COL4A5: variants seen among roughly 807,000 people sequenced by gnomAD.
COL4A5 encodes collagen alpha-5(IV) chain.
Under a neutral mutation model 130.2 loss-of-function variants are expected in COL4A5, and 26 were observed. The ratio of observed to expected loss-of-function variants is 0.20; its 90% confidence interval spans 0.15 to 0.28. The LOEUF (loss-of-function observed/expected upper bound fraction) is 0.28, where lower values mean the gene tolerates loss of function less well. Among genes scored for constraint, COL4A5 ranks in the 10% least tolerant of loss-of-function variants. The probability of loss-of-function intolerance (pLI) is 1.00; values close to 1 mark genes in which losing one functional copy is unlikely to be tolerated. For synonymous variants in COL4A5, 496 were observed against 439.6 expected (o/e 1.13, Z -1.60); for missense variants, 1,131 against 1,344.3 (o/e 0.84, Z 2.48).
At chrX:108,530,029 A>G (rs935986713) in intron 1 of COL4A5, among the ~76,000 whole-genome samples, 4 of 111,488 alleles carry the variant, frequency 3.6e-5, no homozygotes, top group African/African-American at 9.8e-5. Flanking sequence ...AACATTGGGT[A>G]TAAATAGGGC....
At chrX:108,447,335 A>G (rs1412249239) in intron 1 of COL4A5, among the ~76,000 whole-genome samples, 1 of 111,793 alleles carries the variant, frequency 8.9e-6, no homozygotes, top group Non-Finnish European at 1.9e-5. Context: ...TAAACTGGTT[A>G]GTACATACGG....
chrX:108,616,225 T>C (rs1004483082), intron 30 of COL4A5, among the ~76,000 whole-genome samples: 1 of 108,462 alleles, frequency 9.2e-6, no homozygotes, highest in African/African-American at 3.4e-5. Flanking sequence ...GTTTTTTTTT[T>C]GTTGTTGTTG....
At chrX:108,633,300 G>A (rs2147888407) in intron 36 of COL4A5, among the ~76,000 whole-genome samples, 1 of 111,160 alleles carries the variant, frequency 9.0e-6, no homozygotes, top group Non-Finnish European at 1.9e-5. Context: ...TATATCCTGA[G>A]ATTATAAAAA....
At chrX:108,649,959 A>G (rs1236483495) in intron 36 of COL4A5, among the ~76,000 whole-genome samples, 1 of 111,714 alleles carries the variant, frequency 9.0e-6, no homozygotes, top group African/African-American at 3.3e-5. Flanking sequence ...CAGTCAGCAG[A>G]GTAAACAGAC....
intron 9 of COL4A5, among the ~76,000 whole-genome samples, chrX:108,575,213 A>G (rs1284133053): frequency 8.9e-6 from 1 of 111,732 alleles, no homozygotes; most frequent in Non-Finnish European, 1.9e-5. Context: ...TCATTCTCTT[A>G]TAATTTATCC....
chrX:108,624,426 G>GATTT lies in COL4A5; in HGVS notation c.3016+93_3016+96dup, dbSNP rs1414147585. ...GTTTGTCATGTTTGAAGATGCTGTGGATTTGATCATGGTAATAAGCTTGGG... is the reference window on the plus strand; with the variant it reads ...GTTTGTCATGTTTGAAGATGCTGTGGATTTATTTGATCATGGTAATAAGCTTGGG... On this transcript the variant is annotated intron_variant, in intron 34 of 52. Transcript: ENST00000328300. The GATTT allele has an allele frequency of 3.9e-6, 3 of 770,585 alleles. No individual in the cohort carries two copies. The African/African-American group carries it at 6.2e-5, about 16-fold the overall frequency. The allele number at this position is 770,585 out of a possible 1,213,427, so 63.5% of individuals were successfully genotyped here. A position where few individuals can be genotyped will look rare whatever the true frequency, so the allele number is the denominator to read the frequency against.
rs746184634 is a variant in COL4A5 at position 108,687,580 on chromosome X, C to T, written c.4414C>T (p.Arg1472Cys). The T allele has an allele frequency of 1.2e-5, 15 of 1,209,408 alleles. No homozygotes were observed. The highest frequency in any genetic ancestry group is 1.5e-5 in the Non-Finnish European group (13 of 894,875). ...TGTTGCACATGGATTTCTTATTACA[C>T]GCCACAGCCAGACAACGGATGCACC... ...SSVAHGFLITRHSQTTDAPQC... is the reference protein window; with the variant it reads ...SSVAHGFLITCHSQTTDAPQC... Residue 1472 changes from arginine to cysteine, a missense_variant, in exon 49 of 53, where the codon CGC becomes TGC. Physicochemically the swap from Arg to Cys is radical, Grantham distance 180. Coordinates refer to ENST00000328300, the MANE Select transcript of COL4A5 (RefSeq NM_033380.3).
At position 108,555,008 on chromosome X, in the gene COL4A5, T is replaced by G. The variant is rs766798231; in HGVS notation, c.142-4056T>G. Among the ~76,000 whole-genome samples, 4 of 112,758 alleles carry G rather than the reference T, an allele frequency of 3.5e-5. No individual in the cohort carries two copies. In the South Asian group the frequency reaches 1.5e-3, roughly 41 times the overall value. On this transcript the variant is annotated intron_variant, in intron 2 of 52. Coordinates refer to ENST00000328300, the MANE Select transcript of COL4A5 (RefSeq NM_033380.3). The stretch of plus-strand genomic sequence containing the variant: ...TTAACATAGAAATAAAACATCTAGA[T>G]TTCCCTAAAAGAAATGTGTCCAAGT...
intron 1 of COL4A5, among the ~76,000 whole-genome samples, chrX:108,525,731 T>C (rs1015228793): frequency 8.9e-6 from 1 of 111,911 alleles, no homozygotes; most frequent in Admixed American, 9.5e-5. Context: ...ATTTATAGAG[T>C]TCTCTATTCT....
At chrX:108,577,672 A>G (rs1437932449) in intron 10 of COL4A5, among the ~76,000 whole-genome samples, 2 of 111,021 alleles carry the variant, frequency 1.8e-5, no homozygotes, top group Non-Finnish European at 3.8e-5. Flanking sequence ...GTCTGTTGAG[A>G]TTAACTTTTG....
At chrX:108,610,249 C>G (rs951937709) in intron 29 of COL4A5, among the ~76,000 whole-genome samples, 2 of 110,732 alleles carry the variant, frequency 1.8e-5, no homozygotes, top group African/African-American at 6.6e-5. Context: ...CCCGACTTCC[C>G]TCGTCAATGT....
intron 4 of COL4A5, among the ~76,000 whole-genome samples, chrX:108,564,579 CTG>C (rs1474738618): frequency 9.0e-6 from 1 of 111,495 alleles, no homozygotes; most frequent in Non-Finnish European, 1.9e-5. Flanking sequence ...TGAGAGGAAA[CTG>C]TAGTTTAAAA....
intron 47 of COL4A5, among the ~76,000 whole-genome samples, chrX:108,684,507 A>C (rs1184133097): frequency 8.9e-6 from 1 of 112,446 alleles, no homozygotes; most frequent in Non-Finnish European, 1.9e-5. Flanking sequence ...ATCTAGAAGA[A>C]ATGGATAAAT....
chrX:108,638,361 C>T (rs747199254), intron 36 of COL4A5, among the ~76,000 whole-genome samples: 1 of 110,558 alleles, frequency 9.0e-6, no homozygotes, highest in East Asian at 2.9e-4. Context: ...AAGCATTTGA[C>T]AAAATTCAAC....
At chrX:108,449,428 T>C (rs2064485928) in intron 1 of COL4A5, among the ~76,000 whole-genome samples, 1 of 111,947 alleles carries the variant, frequency 8.9e-6, no homozygotes, top group Non-Finnish European at 1.9e-5. Flanking sequence ...TCATAGGCAT[T>C]TTAGAGCTGG....
At chrX:108,612,601 G>A (rs1421694561) in intron 29 of COL4A5, among the ~76,000 whole-genome samples, 2 of 111,748 alleles carry the variant, frequency 1.8e-5, no homozygotes, top group African/African-American at 6.5e-5. Context: ...CAACAAAAAT[G>A]TGCAGGCTTT....
intron 36 of COL4A5, among the ~76,000 whole-genome samples, chrX:108,635,118 A>G (rs1352971335): frequency 1.8e-5 from 2 of 111,197 alleles, no homozygotes; most frequent in East Asian, 5.6e-4. Flanking sequence ...AAAACCCCAG[A>G]CAAGGAGTCA....
intron 17 of COL4A5, among the ~76,000 whole-genome samples, chrX:108,583,762 A>G (rs1480298162): frequency 9.0e-6 from 1 of 111,569 alleles, no homozygotes; most frequent in Non-Finnish European, 1.9e-5. Flanking sequence ...GATGGCTTCT[A>G]TGAACAAGTT....
intron 36 of COL4A5, among the ~76,000 whole-genome samples, chrX:108,649,234 A>G (rs2067671545): frequency 8.9e-6 from 1 of 111,929 alleles, no homozygotes; most frequent in East Asian, 2.8e-4. Context: ...AGACTACAAA[A>G]CACTGCTGAA....
Sources: allele counts gnomAD v4.1 joint callset (sites outside exome capture counted in the v4.1 genomes callset), GRCh38; gene constraint gnomAD v4.1.1; transcripts MANE v1.5; gene names NCBI Gene and HGNC (gene_info 2026-07-23, HGNC 2026-07-21).